The following CPNE4 variants were observed in gnomAD, a reference collection of about 807,000 sequenced individuals.
The protein encoded by CPNE4 is copine 4.
Under a neutral mutation model 67.9 loss-of-function variants are expected in CPNE4, and 25 were observed. The observed-to-expected ratio is 0.37, with a 90% confidence interval of 0.27 to 0.51. CPNE4 has a LOEUF of 0.51. Among genes scored for constraint, CPNE4 ranks in the 20% least tolerant of loss-of-function variants. The probability of loss-of-function intolerance (pLI) is 0.93; values close to 1 mark genes in which losing one functional copy is unlikely to be tolerated. For synonymous variants in CPNE4, 242 were observed against 244.9 expected (o/e 0.99, Z 0.11); for missense variants, 464 against 690.8 (o/e 0.67, Z 3.68).
intron 7 of CPNE4, among the ~76,000 whole-genome samples, chr3:131,650,476 G>T (rs77359678): frequency 1.5e-4 from 21 of 142,588 alleles, no homozygotes; most frequent in Non-Finnish European, 2.8e-4. Flanking sequence ...CTATTATTGC[G>T]GCCGGGCGCG....
At chr3:131,794,465 G>A (rs55699726) in intron 2 of CPNE4, among the ~76,000 whole-genome samples, 17,956 of 152,048 alleles carry the variant, frequency 0.12, 1,295 homozygotes, top group African/African-American at 0.19. Flanking sequence ...GGATGGTGTC[G>A]ATCTCTTGAC....
chr3:131,702,139 G>A (rs1019329631), intron 3 of CPNE4, among the ~76,000 whole-genome samples: 1 of 152,102 alleles, frequency 6.6e-6, no homozygotes, highest in African/African-American at 2.4e-5. Context: ...AATCTGAAGA[G>A]AAAATATTTC....
At chr3:131,925,157 T>TTCTCTCTCTC (rs35525721) in intron 1 of CPNE4, among the ~76,000 whole-genome samples, 1 of 147,162 alleles carries the variant, frequency 6.8e-6, no homozygotes, top group Non-Finnish European at 1.5e-5. Flanking sequence ...TGTTCTCATA[T>TTCTCTCTCTC]TCTCTCTCTC....
At chr3:131,549,858 T>A in intron 14 of CPNE4, 89 bp downstream of exon 14, 1 of 1,450,660 alleles carries the variant, frequency 6.9e-7, no homozygotes, top group Non-Finnish European at 9.5e-7. Context: ...AGTGTTGGAA[T>A]TTATTGTTAG....
chr3:131,959,063 G>C (rs549667701), intron 1 of CPNE4, among the ~76,000 whole-genome samples: 613 of 29,020 alleles, frequency 0.021, 110 homozygotes, highest in South Asian at 0.051. Context: ...TGCAGTGGCG[G>C]GATCTCGGCT....
chr3:131,856,369 A>T (rs922351664), intron 2 of CPNE4, among the ~76,000 whole-genome samples: 1 of 151,918 alleles, frequency 6.6e-6, no homozygotes, highest in African/African-American at 2.4e-5. Flanking sequence ...TGTATGAGTC[A>T]TCATACCTGT....
chr3:131,537,288 T>G (rs567504890), intron 15 of CPNE4, among the ~76,000 whole-genome samples: 1 of 148,022 alleles, frequency 6.8e-6, no homozygotes, highest in Admixed American at 6.7e-5. Context: ...TTTCTGTTTT[T>G]TTTTTTTTTT....
chr3:131,738,598 T>C (rs113998916), intron 2 of CPNE4, among the ~76,000 whole-genome samples: 6,001 of 150,294 alleles, frequency 0.04, 159 homozygotes, highest in Non-Finnish European at 0.055. Context: ...TGATTTTAAA[T>C]ATGGGGTTTT....
intron 1 of CPNE4, among the ~76,000 whole-genome samples, chr3:131,998,891 T>C (rs2073360105): frequency 6.6e-6 from 1 of 152,120 alleles, no homozygotes; most frequent in Non-Finnish European, 1.5e-5. Context: ...GGAACGATAG[T>C]AGTAAACAGG....
chr3:131,746,708 C>A (rs554343176), intron 2 of CPNE4, among the ~76,000 whole-genome samples: 1 of 152,200 alleles, frequency 6.6e-6, no homozygotes, highest in South Asian at 2.1e-4. Flanking sequence ...ATCTTGGCTA[C>A]TGTGAATAGT....
chr3:131,808,923 A>C (rs2084422832), intron 2 of CPNE4, among the ~76,000 whole-genome samples: 1 of 152,222 alleles, frequency 6.6e-6, no homozygotes, highest in African/African-American at 2.4e-5. Flanking sequence ...TACTTCACCC[A>C]AAAGCATCAG....
intron 7 of CPNE4, among the ~76,000 whole-genome samples, chr3:131,655,863 T>C (rs1189172297): frequency 1.3e-5 from 2 of 152,178 alleles, no homozygotes; most frequent in African/African-American, 4.8e-5. Context: ...CTAGACTTAA[T>C]CCTTGCTATT....
intron 1 of CPNE4, among the ~76,000 whole-genome samples, chr3:131,948,527 T>C (rs530817659): frequency 2.6e-5 from 4 of 152,348 alleles, no homozygotes; most frequent in Admixed American, 2.6e-4. Flanking sequence ...CAGATGTTAT[T>C]GTAAGTGAAA....
At chr3:131,618,004 A>G (rs571951749) in intron 7 of CPNE4, among the ~76,000 whole-genome samples, 1 of 152,246 alleles carries the variant, frequency 6.6e-6, no homozygotes, top group Non-Finnish European at 1.5e-5. Context: ...AGACACACAG[A>G]TAACAAGATG....
chr3:131,832,947 T>A lies in CPNE4; in HGVS notation c.180+72317A>T, dbSNP rs533064295. On this transcript the variant is annotated intron_variant, in intron 2 of 15. Coordinates refer to ENST00000429747, the MANE Select transcript of CPNE4 (RefSeq NM_130808.3). ...CTCAGTCAAAATTTGTATATTGAAA[T>A]CCTAATCCTCAATGTGATAGTATTA... Among the ~76,000 whole-genome samples, 5 of 152,244 alleles carry A rather than the reference T, an allele frequency of 3.3e-5. No homozygotes were observed. In the South Asian group the frequency reaches 1.0e-3, roughly 32 times the overall value.
At position 131,676,229 on chromosome 3, in the gene CPNE4, T is replaced by C. The variant is rs576179802; in HGVS notation, c.592-6465A>G. Among the ~76,000 whole-genome samples, 163 of 151,900 alleles carry C rather than the reference T, an allele frequency of 1.1e-3. 1 individual carries two copies. The highest frequency in any genetic ancestry group is 3.9e-3 in the African/African-American group (160 of 41,458). ...ACACACCACAATGCCTGGCTAATTT[T>C]TGTATTTTTACTAGAGATGGGGTTT... On this transcript the variant is annotated intron_variant, in intron 6 of 15. Transcript: ENST00000429747.
intron 2 of CPNE4, among the ~76,000 whole-genome samples, chr3:131,855,642 G>A: frequency 6.6e-6 from 1 of 151,864 alleles, no homozygotes; most frequent in East Asian, 1.9e-4. Flanking sequence ...GTAAAGCCTG[G>A]GCTCTGGAGT....
intron 1 of CPNE4, among the ~76,000 whole-genome samples, chr3:131,928,460 A>G (rs565667041): frequency 1.3e-5 from 2 of 152,336 alleles, no homozygotes; most frequent in Non-Finnish European, 2.9e-5. Context: ...AAGCCTTTCA[A>G]GCCAGTGACC....
chr3:131,962,986 G>A (rs760840591), intron 1 of CPNE4, among the ~76,000 whole-genome samples: 18 of 152,224 alleles, frequency 1.2e-4, no homozygotes, highest in Non-Finnish European at 2.2e-4. Context: ...GAACAGTTCC[G>A]GTCTGCAGCT....
Sources: allele counts gnomAD v4.1 joint callset (sites outside exome capture counted in the v4.1 genomes callset), GRCh38; gene constraint gnomAD v4.1.1; transcripts MANE v1.5; gene names NCBI Gene and HGNC (gene_info 2026-07-23, HGNC 2026-07-21).